Variants in BBX observed in about 807,000 individuals in gnomAD.
BBX encodes the protein BBX high mobility group box domain containing.
BBX carries 30 observed loss-of-function variants against 100.2 expected under a neutral mutation model. That is an observed-to-expected ratio of 0.30 (90% CI 0.22 to 0.41). BBX has a LOEUF of 0.41. BBX is among the 10% of genes least tolerant of loss of function. BBX has a pLI of 1.00. For synonymous variants in BBX, 376 were observed against 388.1 expected (o/e 0.97, Z 0.37); for missense variants, 1,023 against 1,129.8 (o/e 0.91, Z 1.35).
At chr3:107,709,350 A>G (rs943599947) in intron 3 of BBX, among the ~76,000 whole-genome samples, 1 of 152,222 alleles carries the variant, frequency 6.6e-6, no homozygotes, top group East Asian at 1.9e-4. Flanking sequence ...CTTGAGAACT[A>G]GATGAATCTT....
At chr3:107,587,851 C>T (rs1239259645) in intron 2 of BBX, among the ~76,000 whole-genome samples, 1 of 152,168 alleles carries the variant, frequency 6.6e-6, no homozygotes, top group African/African-American at 2.4e-5. Flanking sequence ...ATCCATCCAT[C>T]CTCTCATTTA....
chr3:107,704,647 T>C (rs2061284993), intron 3 of BBX, among the ~76,000 whole-genome samples: 1 of 152,176 alleles, frequency 6.6e-6, no homozygotes, highest in South Asian at 2.1e-4. Flanking sequence ...TGGTGATGAC[T>C]AATTCACTCC....
intron 2 of BBX, among the ~76,000 whole-genome samples, chr3:107,569,609 C>T (rs188511811): frequency 7.9e-5 from 12 of 152,130 alleles, no homozygotes; most frequent in Admixed American, 6.5e-5. Context: ...TAAAATGTCT[C>T]GACCTAATAA....
At chr3:107,789,409 A>G (rs2068757118) in intron 13 of BBX, among the ~76,000 whole-genome samples, 1 of 152,214 alleles carries the variant, frequency 6.6e-6, no homozygotes, top group South Asian at 2.1e-4. Context: ...TGGAGAGATA[A>G]AACACATATT....
chr3:107,710,391 A>G (rs2061639794), intron 3 of BBX, 61 bp from the exon 4 acceptor site: 1 of 1,364,790 alleles, frequency 7.3e-7, no homozygotes, highest in Admixed American at 2.3e-5. Context: ...ACTTTGATTT[A>G]TCTCGGTGTC....
chr3:107,799,473 A>G (rs1306011771), intron 16 of BBX, among the ~76,000 whole-genome samples: 1 of 152,180 alleles, frequency 6.6e-6, no homozygotes, highest in Non-Finnish European at 1.5e-5. Flanking sequence ...AAAGAAAGGT[A>G]GTTTTTAGGA....
At chr3:107,574,205 A>G (rs1197343345) in intron 2 of BBX, among the ~76,000 whole-genome samples, 1 of 152,262 alleles carries the variant, frequency 6.6e-6, no homozygotes, top group African/African-American at 2.4e-5. Flanking sequence ...TTCTGAAAAA[A>G]AAGTTAAGAT....
chr3:107,748,998 TA>T (rs1444606690), intron 9 of BBX, among the ~76,000 whole-genome samples: 145 of 144,952 alleles, frequency 1.0e-3, no homozygotes, highest in Admixed American at 1.1e-3. Flanking sequence ...GCTCTTACAT[TA>T]AAAAAAAAAA....
intron 2 of BBX, among the ~76,000 whole-genome samples, chr3:107,602,049 A>G (rs1399711753): frequency 1.3e-5 from 2 of 152,210 alleles, no homozygotes; most frequent in Non-Finnish European, 2.9e-5. Context: ...TGCAACAACC[A>G]AGCATGGATG....
At chr3:107,786,110 A>G (rs2068394208) in intron 13 of BBX, among the ~76,000 whole-genome samples, 3 of 152,136 alleles carry the variant, frequency 2.0e-5, no homozygotes, top group African/African-American at 7.2e-5. Flanking sequence ...GTACTTAGAA[A>G]TAAGTTTAAC....
chr3:107,722,174 C>T (rs1374155770), intron 5 of BBX, among the ~76,000 whole-genome samples: 2 of 151,756 alleles, frequency 1.3e-5, no homozygotes, highest in Non-Finnish European at 2.9e-5. Flanking sequence ...GTCCATTTGC[C>T]AATTGTTAAG....
Position 107,622,120 on chromosome 3 carries a change from G to A in BBX, c.-83-23716G>A, listed in dbSNP as rs976771783. ...ACTTTCCTCCCAACCCTAACCCCTG[G>A]CAACCCCTGTTCTCTTCTTTATTAC... On this transcript the variant is annotated intron_variant, in intron 2 of 17. Transcript: ENST00000325805. Among the ~76,000 whole-genome samples, 26 of 152,082 alleles carry A rather than the reference G, an allele frequency of 1.7e-4. 1 individual carries two copies. Among genetic ancestry groups the A allele is most frequent in the African/African-American group, 6.0e-4 (25 of 41,490 alleles).
intron 3 of BBX, among the ~76,000 whole-genome samples, chr3:107,699,371 A>G (rs1266872604): frequency 6.6e-6 from 1 of 151,918 alleles, no homozygotes; most frequent in Non-Finnish European, 1.5e-5. Context: ...AGTGAGAATG[A>G]GCAAAGAAAC....
chr3:107,692,262 G>T (rs1033182358), intron 3 of BBX, among the ~76,000 whole-genome samples: 3 of 151,614 alleles, frequency 2.0e-5, no homozygotes, highest in African/African-American at 7.3e-5. Flanking sequence ...AGTTACATAT[G>T]TATACATGTG....
intron 3 of BBX, among the ~76,000 whole-genome samples, chr3:107,655,820 C>T (rs1044626975): frequency 1.3e-5 from 2 of 152,036 alleles, no homozygotes; most frequent in Admixed American, 6.5e-5. Context: ...CCTGCCTCAG[C>T]CTCCCAAGTA....
chr3:107,704,972 G>A (rs1267691273), intron 3 of BBX, among the ~76,000 whole-genome samples: 1 of 152,172 alleles, frequency 6.6e-6, no homozygotes, highest in Non-Finnish European at 1.5e-5. Flanking sequence ...AGGTGAGAAG[G>A]AGAAAGGCTT....
intron 15 of BBX, 111 bp from the exon 16 acceptor site, chr3:107,798,408 CTGAG>C: frequency 1.0e-6 from 1 of 957,492 alleles, no homozygotes; most frequent in Non-Finnish European, 1.6e-6. Context: ...TTTGAAAACT[CTGAG>C]TGTAAATTCT....
At chr3:107,577,819 T>G (rs867890932) in intron 2 of BBX, among the ~76,000 whole-genome samples, 2 of 152,042 alleles carry the variant, frequency 1.3e-5, no homozygotes, top group African/African-American at 4.8e-5. Context: ...GTGACTGATG[T>G]GGTGTGGGTA....
At chr3:107,610,788 G>GTT (rs1265866315) in intron 2 of BBX, among the ~76,000 whole-genome samples, 1 of 139,872 alleles carries the variant, frequency 7.1e-6, no homozygotes. Flanking sequence ...ATCATTGGGT[G>GTT]TTTTTTTTTT....
Sources: gnomAD v4.1 joint callset for allele counts (sites outside exome capture counted in the v4.1 genomes callset) on GRCh38, gnomAD v4.1.1 for gene constraint, MANE v1.5 for transcripts, NCBI Gene and HGNC (gene_info 2026-07-23, HGNC 2026-07-21) for gene names.